The following FARSA variants were observed in gnomAD, a reference collection of about 807,000 sequenced individuals.
The protein encoded by FARSA is phenylalanine--tRNA ligase alpha subunit.
FARSA carries 37 observed loss-of-function variants against 63.2 expected under a neutral mutation model. The ratio of observed to expected loss-of-function variants is 0.59; its 90% CI spans 0.45 to 0.77. The LOEUF (loss-of-function observed/expected upper bound fraction) is 0.77. Among genes scored for constraint, FARSA ranks in the 30% least tolerant of loss-of-function variants. The pLI is 0.00. For synonymous variants in FARSA, 312 were observed against 285.1 expected (o/e 1.09, Z -0.95); for missense variants, 618 against 696.6 (o/e 0.89, Z 1.27).
At position 12,928,860 on chromosome 19, in the gene FARSA, G is replaced by C; in HGVS notation, c.504-13C>G. 2.5e-6 allele frequency: 4 copies of C among 1,612,782 alleles called. No homozygotes were observed. The highest frequency in any genetic ancestry group is 3.4e-6 in the Non-Finnish European group (4 of 1,178,898). ...GGTCTTCAGAGTCCTGTGGCCAGGG[G>C]AAGGAAGGGGACGCCACTGCCATCT... On this transcript the variant is annotated splice_polypyrimidine_tract_variant and intron_variant, in intron 4 of 12. Coordinates refer to ENST00000314606, the MANE Select transcript of FARSA (RefSeq NM_004461.3).
chr19:12,928,684 C>G, intron 5 of FARSA, 21 bp from the exon 6 acceptor site: 1 of 1,613,542 alleles, frequency 6.2e-7, no homozygotes, highest in Non-Finnish European at 8.5e-7. Context: ...ATGCAAGGGC[C>G]TGGTAAGGGC....
intron 4 of FARSA, 65 bp downstream of exon 4, chr19:12,930,158 C>T: frequency 7.7e-7 from 1 of 1,292,252 alleles, no homozygotes. Flanking sequence ...TGTCTCCCTC[C>T]CACCATGCCT....
chr19:12,932,094 G>A (rs1239021899), intron 1 of FARSA, among the ~76,000 whole-genome samples: 2 of 146,594 alleles, frequency 1.4e-5, no homozygotes, highest in Admixed American at 7.0e-5. Flanking sequence ...GCTGGAGTGC[G>A]ATCTCGGCTC....
chr19:12,926,002 T>A (rs1173668245), intron 7 of FARSA, among the ~76,000 whole-genome samples: 1 of 150,934 alleles, frequency 6.6e-6, no homozygotes. Context: ...GGAGTCTCGC[T>A]CTGTCGCCCA....
intron 7 of FARSA, among the ~76,000 whole-genome samples, chr19:12,926,077 T>C (rs1373378831): frequency 2.6e-5 from 4 of 151,650 alleles, no homozygotes; most frequent in Admixed American, 2.6e-4. Flanking sequence ...CGAGTGATTC[T>C]CCTGCCTCAG....
intron 3 of FARSA, 22 bp downstream of exon 3, chr19:12,930,406 CT>C (rs780917790): frequency 5.6e-6 from 9 of 1,613,064 alleles, no homozygotes; most frequent in Non-Finnish European, 4.2e-6. Flanking sequence ...CACCTGCCCC[CT>C]GACCAGCCCG....
chr19:12,930,970 A>C (rs1971387817), intron 1 of FARSA, among the ~76,000 whole-genome samples: 1 of 152,210 alleles, frequency 6.6e-6, no homozygotes, highest in African/African-American at 2.4e-5. Flanking sequence ...ATGATAGTTT[A>C]CACCTCCCAG....
At chr19:12,928,294 T>C (rs1702207576) in intron 7 of FARSA, 48 bp downstream of exon 7, 12 of 1,474,632 alleles carry the variant, frequency 8.1e-6, no homozygotes, top group Non-Finnish European at 1.1e-5. Context: ...GGCTCCGCCG[T>C]GGCCTGGTGT....
At position 12,928,800 on chromosome 19, in the gene FARSA, C is replaced by T. The variant is rs868205407; in HGVS notation, c.551G>A (p.Ser184Asn). 6.2e-7 allele frequency: 1 copy of T among 1,614,114 alleles called. No homozygotes were observed. The highest frequency in any genetic ancestry group is 2.2e-5 in the East Asian group (1 of 44,880). ...CAGCTCTGTCTCTTGCTTGGAGATG[C>T]TGGTACTAAAGGCACTGCCTTTGCT... ...WVSKGSAFST[S>N]ISKQETELSP... Residue 184 changes from serine (S) to asparagine (N), a missense_variant, in exon 5 of 13, where the codon AGC becomes AAC. Coordinates refer to ENST00000314606, the MANE Select transcript of FARSA (RefSeq NM_004461.3).
chr19:12,925,822 C>A (rs1331040051), intron 7 of FARSA, among the ~76,000 whole-genome samples: 2 of 151,758 alleles, frequency 1.3e-5, no homozygotes, highest in African/African-American at 4.8e-5. Flanking sequence ...TACAGAAGTG[C>A]ACCACCACAC....
chr19:12,929,194 TTTTTA>T (rs1568445151), intron 4 of FARSA, among the ~76,000 whole-genome samples: 1 of 152,172 alleles, frequency 6.6e-6, no homozygotes, highest in African/African-American at 2.4e-5. Flanking sequence ...AGGGCAGTTT[TTTTTA>T]TTTGTTTGTT....
In FARSA at chr19:12,930,309, C is replaced by T. The variant is rs1971376151; in HGVS notation, c.417G>A (p.Arg139=). ...CCTGTCCCCCCCGGACCAGCTGGAGCCGCCGCTGCACCTCATCCTCCATGC... is the reference window on the plus strand; with the variant it reads ...CCTGTCCCCCCCGGACCAGCTGGAGTCGCCGCTGCACCTCATCCTCCATGC... ...VDSMEDEVQR[R]LQLVRGGQAE... is the part of the protein sequence containing the mutation. Residue 139 remains arginine, a synonymous_variant, in exon 4 of 13, where the codon CGG becomes CGA. Transcript: ENST00000314606. 6.2e-7 allele frequency: 1 copy of T among 1,614,100 alleles called. No individual in the cohort carries two copies. The highest frequency in any genetic ancestry group is 1.1e-5 in the South Asian group (1 of 91,090).
In FARSA at chr19:12,928,802, G is replaced by C. The variant is rs764501970; in HGVS notation, c.549C>G (p.Thr183=). ...YWVSKGSAFS[T]SISKQETELS... is the part of the protein sequence containing the mutation. ...GCTCTGTCTCTTGCTTGGAGATGCTGGTACTAAAGGCACTGCCTTTGCTCA... is the reference window on the plus strand; with the variant it reads ...GCTCTGTCTCTTGCTTGGAGATGCTCGTACTAAAGGCACTGCCTTTGCTCA... Residue 183 remains threonine, a synonymous_variant, in exon 5 of 13, where the codon ACC becomes ACG. Transcript: ENST00000314606. The C allele has an allele frequency of 1.2e-6, 2 of 1,614,102 alleles. No homozygotes were observed. Among genetic ancestry groups the C allele is most frequent in the Non-Finnish European group, 1.7e-6 (2 of 1,180,000 alleles).
rs377585334 is a variant in FARSA, at chr19:12,930,417, G to A, written c.384+12C>T. 2.8e-4 allele frequency: 448 copies of A among 1,613,324 alleles called. No homozygotes were observed. The highest frequency in any genetic ancestry group is 3.6e-4 in the Non-Finnish European group (427 of 1,179,612). ...CGTCCACCTGCCCCCTGACCAGCCC[G>A]CAGGAACGCACCACTCGGAACACCC... On this transcript the variant is annotated intron_variant, in intron 3 of 12. Coordinates refer to ENST00000314606, the MANE Select transcript of FARSA (RefSeq NM_004461.3).
intron 7 of FARSA, among the ~76,000 whole-genome samples, chr19:12,926,602 G>A (rs919916906): frequency 5.3e-5 from 8 of 151,964 alleles, no homozygotes; most frequent in Admixed American, 4.6e-4. Context: ...TCTGTTGCTT[G>A]GCCTGCAGTG....
At chr19:12,923,566 G>T (rs999374464) in intron 12 of FARSA, among the ~76,000 whole-genome samples, 2 of 152,166 alleles carry the variant, frequency 1.3e-5, no homozygotes, top group Non-Finnish European at 2.9e-5. Context: ...TGCAACCTCT[G>T]CCTCCTGGGT....
chr19:12,933,448 C>T, intron 1 of FARSA, 102 bp downstream of exon 1: 1 of 1,408,784 alleles, frequency 7.1e-7, no homozygotes, highest in South Asian at 1.3e-5. Flanking sequence ...TACAGCTACC[C>T]CAAACTAGGC....
rs370272213 is a variant in FARSA, at chr19:12,924,887, GC to G, written c.1026+16del. Reference sequence around the variant, plus strand: ...GCACCCTCTCCCCACTGGGGCCCCCGCCTGGGCCAACCGCACCTTCTGGGCA... The same window carrying G: ...GCACCCTCTCCCCACTGGGGCCCCCGCTGGGCCAACCGCACCTTCTGGGCA... On this transcript the variant is annotated intron_variant, in intron 9 of 12. Transcript: ENST00000314606. This position sits in a 1 kb window ranked among gnomAD's most constrained non-coding sequence, Gnocchi z 6.4. 80 of 1,614,104 alleles carry G rather than the reference GC, an allele frequency of 5.0e-5. No homozygotes were observed. In the African/African-American group the frequency reaches 9.6e-4, roughly 19 times the overall value.
At chr19:12,933,491 G>A (rs752761547) in intron 1 of FARSA, 59 bp downstream of exon 1, 51 of 1,517,484 alleles carry the variant, frequency 3.4e-5, no homozygotes, top group Non-Finnish European at 4.4e-5. Flanking sequence ...TAGAGCGCCC[G>A]TGGCAAGGGG....
Sources: gnomAD v4.1 joint callset for allele counts (sites outside exome capture counted in the v4.1 genomes callset) on GRCh38, gnomAD v4.1.1 for gene constraint, Gnocchi (gnomAD v3.1) non-coding constraint, MANE v1.5 for transcripts, NCBI Gene and HGNC (gene_info 2026-07-23, HGNC 2026-07-21) for gene names.